The following KLHL1 variants were observed in gnomAD, a reference collection of about 807,000 sequenced individuals.
KLHL1 encodes kelch-like protein 1.
A neutral mutation model predicts 77.7 loss-of-function variants in KLHL1; 47 were observed. That is an observed-to-expected ratio of 0.60 (90% CI 0.48 to 0.77). The LOEUF (loss-of-function observed/expected upper bound fraction) is 0.77, where lower values mean the gene tolerates loss of function less well. KLHL1 is among the 30% of genes least tolerant of loss of function. The probability of loss-of-function intolerance (pLI) is 0.00; values close to 1 mark genes in which losing one functional copy is unlikely to be tolerated. For missense variants in KLHL1, 925 were observed against 910.8 expected (o/e 1.02, Z -0.20); for synonymous variants, 360 against 325.2 (o/e 1.11, Z -1.15).
intron 1 of KLHL1, among the ~76,000 whole-genome samples, chr13:70,030,650 C>T (rs9542165): frequency 0.61 from 92,980 of 151,652 alleles, 29,997 homozygotes; most frequent in East Asian, 0.81. Flanking sequence ...AGGAAAGATC[C>T]AAAATTGACA....
At chr13:69,846,920 T>C (rs1043863936) in intron 5 of KLHL1, among the ~76,000 whole-genome samples, 1 of 151,414 alleles carries the variant, frequency 6.6e-6, no homozygotes, top group East Asian at 1.9e-4. Context: ...TTTATAAAAA[T>C]AGGATGCATC....
At chr13:70,090,204 A>G (rs1715335538) in intron 1 of KLHL1, among the ~76,000 whole-genome samples, 1 of 152,150 alleles carries the variant, frequency 6.6e-6, no homozygotes, top group South Asian at 2.1e-4. Flanking sequence ...AACTAAATAC[A>G]GAAGACATAT....
At chr13:69,796,063 C>G (rs369794607) in intron 7 of KLHL1, among the ~76,000 whole-genome samples, 1 of 152,106 alleles carries the variant, frequency 6.6e-6, no homozygotes, top group South Asian at 2.1e-4. Context: ...CTGTACATAT[C>G]GTATGATCTT....
At chr13:69,953,520 G>A (rs1883777105) in intron 3 of KLHL1, among the ~76,000 whole-genome samples, 1 of 151,060 alleles carries the variant, frequency 6.6e-6, no homozygotes, top group African/African-American at 2.4e-5. Flanking sequence ...TTGTTGACAT[G>A]TAAGCTAAGA....
chr13:69,781,147 T>C (rs1876168423), intron 7 of KLHL1, among the ~76,000 whole-genome samples: 1 of 152,126 alleles, frequency 6.6e-6, no homozygotes, highest in Non-Finnish European at 1.5e-5. Flanking sequence ...ACAGAGACCA[T>C]ATACTGACTA....
rs143737714 is a variant in KLHL1 at position 69,957,593 on chromosome 13, A to G, written c.817+3715T>C. ...TATACACCGTGACCCTCTTCATGCC[A>G]TAAGTGCTCAAATATTGTTAGCAGA... On this transcript the variant is annotated intron_variant, in intron 3 of 10. Transcript: ENST00000377844. Among the ~76,000 whole-genome samples the G allele has an allele frequency of 1.6e-3, 238 of 151,950 alleles. 3 individuals are homozygous for G. The highest frequency in any genetic ancestry group is 5.1e-3 in the African/African-American group (212 of 41,532).
At chr13:70,043,239 T>TAA (rs139407571) in intron 1 of KLHL1, among the ~76,000 whole-genome samples, 6 of 149,974 alleles carry the variant, frequency 4.0e-5, no homozygotes, top group South Asian at 2.1e-4. Context: ...GTTTAAATAC[T>TAA]AAAAAAAAAT....
At chr13:69,783,013 T>C (rs1463056952) in intron 7 of KLHL1, among the ~76,000 whole-genome samples, 1 of 152,204 alleles carries the variant, frequency 6.6e-6, no homozygotes, top group Non-Finnish European at 1.5e-5. Context: ...CAAGATCTGC[T>C]GTTCTACAGC....
At chr13:69,755,892 A>T (rs1291792674) in intron 7 of KLHL1, among the ~76,000 whole-genome samples, 1 of 151,316 alleles carries the variant, frequency 6.6e-6, no homozygotes, top group Non-Finnish European at 1.5e-5. Context: ...ATTCAGCCTA[A>T]TCACTTATTA....
chr13:69,794,010 C>T (rs1272798975), intron 7 of KLHL1, among the ~76,000 whole-genome samples: 3 of 152,084 alleles, frequency 2.0e-5, no homozygotes, highest in Non-Finnish European at 4.4e-5. Flanking sequence ...GGATTGTTAA[C>T]ATCACAATGC....
intron 10 of KLHL1, 129 bp downstream of exon 10, chr13:69,707,496 T>C: frequency 1.3e-6 from 1 of 756,146 alleles, no homozygotes; most frequent in Non-Finnish European, 2.0e-6. Context: ...CAACACAATA[T>C]TGGATAAAAA....
chr13:70,038,581 ATTTTT>A (rs55885952), intron 1 of KLHL1, among the ~76,000 whole-genome samples: 37 of 73,054 alleles, frequency 5.1e-4, no homozygotes, highest in African/African-American at 1.8e-3. Flanking sequence ...ATTGTCATTA[ATTTTT>A]TTTTTTTTTT....
rs1593847754 is a variant in KLHL1, at chr13:69,804,630, A to T, written c.1415-7668T>A. Among the ~76,000 whole-genome samples the T allele has an allele frequency of 2.6e-5, 4 of 152,304 alleles. No homozygotes were observed. In the East Asian group the frequency reaches 7.7e-4, roughly 29 times the overall value. On this transcript the variant is annotated intron_variant, in intron 6 of 10. Transcript: ENST00000377844. ...AACTCACAAAGTAGAATGATTTAGG[A>T]TAATTTAAAGCAGCAATGGGTGGCA...
At chr13:70,030,805 G>C (rs887085051) in intron 1 of KLHL1, among the ~76,000 whole-genome samples, 1 of 152,124 alleles carries the variant, frequency 6.6e-6, no homozygotes, top group Non-Finnish European at 1.5e-5. Flanking sequence ...GAATCCAGGA[G>C]CTGGTTATTT....
At chr13:69,888,292 T>C (rs1349880043) in intron 4 of KLHL1, among the ~76,000 whole-genome samples, 1 of 152,094 alleles carries the variant, frequency 6.6e-6, no homozygotes, top group Non-Finnish European at 1.5e-5. Flanking sequence ...CATATGGAAT[T>C]TGGGGGGACA....
intron 3 of KLHL1, among the ~76,000 whole-genome samples, chr13:69,951,235 T>G (rs924952164): frequency 6.6e-6 from 1 of 151,428 alleles, no homozygotes; most frequent in African/African-American, 2.4e-5. Flanking sequence ...TTTTTTGACT[T>G]ACAAAGCCTT....
intron 1 of KLHL1, among the ~76,000 whole-genome samples, chr13:70,004,396 G>T (rs1039440389): frequency 7.9e-5 from 12 of 151,750 alleles, no homozygotes; most frequent in African/African-American, 2.9e-4. Context: ...AGATTATGTT[G>T]CTTTTAGCTA....
At chr13:69,961,261 TA>T in intron 3 of KLHL1, 46 bp downstream of exon 3, 1 of 1,562,566 alleles carries the variant, frequency 6.4e-7, no homozygotes, top group Non-Finnish European at 8.7e-7. Context: ...GGAAATGAGC[TA>T]AAATTTATAA....
intron 7 of KLHL1, among the ~76,000 whole-genome samples, chr13:69,768,186 G>C (rs1003959474): frequency 6.6e-6 from 1 of 152,088 alleles, no homozygotes; most frequent in Non-Finnish European, 1.5e-5. Context: ...AGCTTACCAA[G>C]CTGCAAAGAA....
Sources: gnomAD v4.1 joint callset for allele counts (sites outside exome capture counted in the v4.1 genomes callset) on GRCh38, gnomAD v4.1.1 for gene constraint, MANE v1.5 for transcripts, NCBI Gene and HGNC (gene_info 2026-07-23, HGNC 2026-07-21) for gene names.